TOM1L2: variants seen among roughly 807,000 people sequenced by gnomAD.
The protein encoded by TOM1L2 is TOM1-like protein 2.
A neutral mutation model predicts 67.9 loss-of-function variants in TOM1L2; 31 were observed. The observed-to-expected ratio is 0.46, with a 90% confidence interval of 0.34 to 0.62. The LOEUF (loss-of-function observed/expected upper bound fraction) is 0.62. Among genes scored for constraint, TOM1L2 ranks in the 20% least tolerant of loss-of-function variants. The pLI is 0.01. For missense variants in TOM1L2, 606 were observed against 663.5 expected, an observed-to-expected ratio of 0.91 and a Z score of 0.95; for synonymous variants, 256 against 254.0, an observed-to-expected ratio of 1.01 and a Z score of -0.07.
intron 14 of TOM1L2, among the ~76,000 whole-genome samples, chr17:17,848,441 T>G (rs887575602): frequency 2.0e-5 from 3 of 152,148 alleles, no homozygotes; most frequent in African/African-American, 7.2e-5. Context: ...GCCCATCAGC[T>G]GAGGCCCAGG....
At chr17:17,866,038 G>A (rs1598212380) in intron 10 of TOM1L2, among the ~76,000 whole-genome samples, 1 of 152,014 alleles carries the variant, frequency 6.6e-6, no homozygotes, top group East Asian at 1.9e-4. Context: ...CACTGCGCAC[G>A]GCCGTGACCT....
At chr17:17,906,421 G>A (rs1231108258) in intron 2 of TOM1L2, among the ~76,000 whole-genome samples, 1 of 151,942 alleles carries the variant, frequency 6.6e-6, no homozygotes, top group African/African-American at 2.4e-5. Context: ...GACCCACCGA[G>A]CCCAGCCAAG....
intron 1 of TOM1L2, among the ~76,000 whole-genome samples, chr17:17,971,006 T>A (rs951016855): frequency 2.0e-5 from 3 of 152,146 alleles, no homozygotes; most frequent in Admixed American, 2.0e-4. Context: ...AAGTCCCATA[T>A]GGTGGCCATT....
intron 1 of TOM1L2, among the ~76,000 whole-genome samples, chr17:17,915,028 G>A (rs1201135270): frequency 6.6e-6 from 1 of 152,134 alleles, no homozygotes; most frequent in African/African-American, 2.4e-5. Context: ...GGATGTGTGA[G>A]TTCTATCTAG....
chr17:17,961,825 T>C (rs2041690667), intron 1 of TOM1L2, among the ~76,000 whole-genome samples: 2 of 150,286 alleles, frequency 1.3e-5, no homozygotes, highest in South Asian at 2.1e-4. Flanking sequence ...TGAGCAGAGA[T>C]TGCACCACTG....
intron 10 of TOM1L2, among the ~76,000 whole-genome samples, chr17:17,864,729 C>A (rs928929423): frequency 1.3e-5 from 2 of 152,114 alleles, no homozygotes; most frequent in African/African-American, 4.8e-5. Context: ...TTAGGCTGGT[C>A]TTGAACTCCT....
At chr17:17,854,522 TTTAA>T (rs1181344841) in intron 12 of TOM1L2, among the ~76,000 whole-genome samples, 9 of 152,012 alleles carry the variant, frequency 5.9e-5, no homozygotes, top group South Asian at 2.1e-4. Context: ...TAGTTATTTA[TTTAA>T]TTAATTAATT....
intron 1 of TOM1L2, among the ~76,000 whole-genome samples, chr17:17,959,372 C>G (rs1346715669): frequency 1.3e-5 from 2 of 152,176 alleles, no homozygotes; most frequent in African/African-American, 4.8e-5. Context: ...ACAAAAAAAT[C>G]CCTGCACATT....
intron 2 of TOM1L2, among the ~76,000 whole-genome samples, chr17:17,901,369 C>T (rs746397095): frequency 6.6e-6 from 1 of 152,170 alleles, no homozygotes; most frequent in Non-Finnish European, 1.5e-5. Context: ...GAGATGGCAT[C>T]AAGCCCTAGC....
chr17:17,951,965 C>T (rs923195134), intron 1 of TOM1L2, among the ~76,000 whole-genome samples: 2 of 152,206 alleles, frequency 1.3e-5, no homozygotes, highest in Non-Finnish European at 2.9e-5. Flanking sequence ...CAGTCTCCAT[C>T]AAAATTTCCA....
At chr17:17,968,058 G>C (rs996954782) in intron 1 of TOM1L2, among the ~76,000 whole-genome samples, 2 of 152,158 alleles carry the variant, frequency 1.3e-5, no homozygotes, top group East Asian at 3.8e-4. Context: ...CTACTAAATC[G>C]TACCAGGTTA....
chr17:17,879,826 G>A (rs2037624549), intron 6 of TOM1L2, 83 bp from the exon 7 acceptor site: 1 of 1,176,794 alleles, frequency 8.5e-7, no homozygotes, highest in East Asian at 2.3e-5. Flanking sequence ...CTTGCTCCTA[G>A]TCTAGTGACA....
chr17:17,921,593 T>TTGGGGAAGC (rs1250234784), intron 1 of TOM1L2, among the ~76,000 whole-genome samples: 2 of 151,932 alleles, frequency 1.3e-5, no homozygotes, highest in African/African-American at 4.8e-5. Flanking sequence ...GTGCCAGGCT[T>TTGGGGAAGC]TGGGGAAGAG....
chr17:17,905,689 C>T (rs2039061069), intron 2 of TOM1L2, among the ~76,000 whole-genome samples: 1 of 152,170 alleles, frequency 6.6e-6, no homozygotes, highest in African/African-American at 2.4e-5. Context: ...CAGGTGCACG[C>T]CACTATGCCA....
intron 7 of TOM1L2, among the ~76,000 whole-genome samples, chr17:17,871,548 G>A (rs1299426479): frequency 1.3e-5 from 2 of 152,162 alleles, no homozygotes; most frequent in Non-Finnish European, 2.9e-5. Flanking sequence ...GCATGCACCT[G>A]TAATCCCAGC....
intron 4 of TOM1L2, among the ~76,000 whole-genome samples, chr17:17,888,670 T>A (rs1438271507): frequency 6.6e-6 from 1 of 152,182 alleles, no homozygotes; most frequent in African/African-American, 2.4e-5. Flanking sequence ...CAGTTCACTT[T>A]CTTCAGTGGA....
chr17:17,893,907 T>C (rs2038422724), intron 3 of TOM1L2, 97 bp from the exon 4 acceptor site: 1 of 1,299,734 alleles, frequency 7.7e-7, no homozygotes, highest in Non-Finnish European at 1.1e-6. Context: ...ATCCCCTCTG[T>C]CTTGCTCCTA....
intron 4 of TOM1L2, among the ~76,000 whole-genome samples, chr17:17,889,518 C>G (rs2038167394): frequency 6.6e-6 from 1 of 152,166 alleles, no homozygotes; most frequent in South Asian, 2.1e-4. Context: ...CTCAGGGCAA[C>G]CAAAGGGGCA....
At chr17:17,869,625 G>A (rs1598222212) in intron 7 of TOM1L2, 152 bp from the exon 8 acceptor site, 1 of 1,404,344 alleles carries the variant, frequency 7.1e-7, no homozygotes, top group Non-Finnish European at 9.2e-7. Context: ...CAAAGTAGAA[G>A]TTCCCTCTTC....
Sources: allele counts gnomAD v4.1 joint callset (sites outside exome capture counted in the v4.1 genomes callset), GRCh38; gene constraint gnomAD v4.1.1; transcripts MANE v1.5; gene names NCBI Gene and HGNC (gene_info 2026-07-23, HGNC 2026-07-21).